Variants in SMAP2 observed in about 807,000 individuals in gnomAD.
SMAP2 encodes small ArfGAP2.
A neutral mutation model predicts 56.4 loss-of-function variants in SMAP2; 25 were observed. The observed-to-expected ratio is 0.44, with a 90% CI of 0.32 to 0.62. The LOEUF (loss-of-function observed/expected upper bound fraction) is 0.62, where lower values mean the gene tolerates loss of function less well. Among genes scored for constraint, SMAP2 ranks in the 20% least tolerant of loss-of-function variants. The pLI, the probability that SMAP2 is intolerant of heterozygous loss-of-function variation, is 0.04. For missense variants in SMAP2, 388 were observed against 545.6 expected (o/e 0.71, Z 2.88); for synonymous variants, 157 against 181.7 (o/e 0.86, Z 1.09).
chr1:40,355,720 T>G (rs1386498723), intron 1 of SMAP2, among the ~76,000 whole-genome samples: 4 of 152,070 alleles, frequency 2.6e-5, no homozygotes, highest in Non-Finnish European at 5.9e-5. Flanking sequence ...CCTCCCAGGC[T>G]CAAGCAATCC....
intron 1 of SMAP2, among the ~76,000 whole-genome samples, chr1:40,395,044 G>T (rs894683392): frequency 1.2e-4 from 18 of 152,264 alleles, no homozygotes; most frequent in Admixed American, 9.8e-4. Context: ...GTGAGAAGAG[G>T]AGTAATGAGA....
At position 40,414,231 on chromosome 1, in the gene SMAP2, T is replaced by C. The variant is rs1644965398; in HGVS notation, c.562T>C (p.Leu188=). The change falls in exon 6 of 10, where the codon TTG becomes CTG. Residue 188 remains leucine (L), a synonymous_variant. Coordinates refer to ENST00000372718, the MANE Select transcript of SMAP2 (RefSeq NM_022733.3). The stretch of plus-strand genomic sequence containing the variant: ...ATCCACAGCGCCTGTCATGGATTTG[T>C]TGGGCCTTGGTAAGAGTTGGACTTT... ...PKSTAPVMDL[L]GLDAPVACSI... is the part of the protein sequence containing the mutation. The C allele has an allele frequency of 2.5e-6, 4 of 1,614,162 alleles. No homozygotes were observed. Among genetic ancestry groups the C allele is most frequent in the Non-Finnish European group, 2.5e-6 (3 of 1,179,982 alleles).
chr1:40,400,808 A>G (rs1465891949), intron 1 of SMAP2, among the ~76,000 whole-genome samples: 1 of 34,894 alleles, frequency 2.9e-5, no homozygotes, highest in Non-Finnish European at 4.9e-5. Flanking sequence ...TGTGTTTTAG[A>G]AAGATTATTC....
At chr1:40,353,188 G>A (rs561865896) in intron 1 of SMAP2, among the ~76,000 whole-genome samples, 29 of 152,220 alleles carry the variant, frequency 1.9e-4, no homozygotes, top group African/African-American at 5.1e-4. Context: ...TGAGCTTCTC[G>A]GAAAACTTTT....
intron 1 of SMAP2, among the ~76,000 whole-genome samples, chr1:40,405,443 C>T (rs185220033): frequency 6.6e-6 from 1 of 152,140 alleles, no homozygotes; most frequent in Admixed American, 6.5e-5. Flanking sequence ...GAGCTATGAT[C>T]GTGCCACAGC....
Position 40,422,916 on chromosome 1 carries a change from G to C in SMAP2, c.*815G>C, listed in dbSNP as rs1477248635. The C allele has an allele frequency of 6.5e-6, 1 of 152,808 alleles. No individual in the cohort carries two copies. Among genetic ancestry groups the C allele is most frequent in the East Asian group, 1.9e-4 (1 of 5,200 alleles). 9.5% of individuals were successfully genotyped at this position (152,808 alleles called of 1,614,324 possible). ...TGCGTGAGTGTGTGTGTGTGTATGA[G>C]TGTGTGTTCCGCCTCCCACCCTCTC... On this transcript the variant is annotated 3_prime_UTR_variant, in exon 10 of 10. Coordinates refer to ENST00000372718, the MANE Select transcript of SMAP2 (RefSeq NM_022733.3).
intron 7 of SMAP2, among the ~76,000 whole-genome samples, chr1:40,415,869 G>A (rs1019517649): frequency 3.3e-5 from 5 of 152,166 alleles, no homozygotes; most frequent in African/African-American, 9.7e-5. Context: ...TATGTGACTA[G>A]CCTGTGGTTA....
intron 1 of SMAP2, among the ~76,000 whole-genome samples, chr1:40,404,408 A>T (rs1644865755): frequency 6.6e-6 from 1 of 152,342 alleles, no homozygotes; most frequent in South Asian, 2.1e-4. Flanking sequence ...AGGCCTTGTC[A>T]GTGGCTTCAG....
chr1:40,420,607 A>T (rs756499455), intron 9 of SMAP2, among the ~76,000 whole-genome samples: 3 of 152,250 alleles, frequency 2.0e-5, no homozygotes, highest in Non-Finnish European at 2.9e-5. Context: ...AATGAAAGAA[A>T]TATAGTCACT....
At chr1:40,389,227 C>T (rs2124266842) in intron 1 of SMAP2, among the ~76,000 whole-genome samples, 1 of 152,328 alleles carries the variant, frequency 6.6e-6, no homozygotes, top group East Asian at 1.9e-4. Context: ...ATACAGTCCT[C>T]ATTCACTTAA....
chr1:40,387,092 A>G (rs2124255547), intron 1 of SMAP2, among the ~76,000 whole-genome samples: 1 of 152,276 alleles, frequency 6.6e-6, no homozygotes, highest in Admixed American at 6.5e-5. Flanking sequence ...AGCTCACATC[A>G]TCTGCCTGCC....
In SMAP2 at chr1:40,417,005, A is replaced by G. The variant is rs766188335; in HGVS notation, c.1073A>G (p.Gln358Arg). 5 of 1,614,094 alleles carry G rather than the reference A, an allele frequency of 3.1e-6. No homozygotes were observed. The African/African-American group carries it at 5.3e-5, about 17-fold the overall frequency. ...GTGCCGAATGGAATGATGACCACCC[A>G]GCAGGCTGGCTACATGGCAGGCATG... ...MGVPNGMMTT[Q>R]QAGYMAGMAA... Residue 358 changes from glutamine (Q) to arginine (R), a missense_variant, in exon 9 of 10, where the codon CAG becomes CGG. Physicochemically the swap from Gln to Arg is conservative, Grantham distance 43. Coordinates refer to ENST00000372718, the MANE Select transcript of SMAP2 (RefSeq NM_022733.3).
At chr1:40,354,402 G>A (rs1159903166) in intron 1 of SMAP2, among the ~76,000 whole-genome samples, 1 of 152,050 alleles carries the variant, frequency 6.6e-6, no homozygotes, top group Non-Finnish European at 1.5e-5. Flanking sequence ...GTGCAGTGGC[G>A]TGATCCCGGC....
Position 40,374,610 on chromosome 1 carries a change from T to A in SMAP2, c.103+387T>A. ...GTGCGTGCGTGCGTGTGTGTGTGTG[T>A]GTGTGTGTGTGTGTGAGAGAGAGAG... On this transcript the variant is annotated intron_variant, in intron 1 of 9. Coordinates refer to ENST00000372718, the MANE Select transcript of SMAP2 (RefSeq NM_022733.3). This position sits in a 1 kb window ranked among gnomAD's most constrained non-coding sequence, Gnocchi z 5.9. 7.2e-7 allele frequency: 1 copy of A among 1,395,072 alleles called. No homozygotes were observed. Among genetic ancestry groups the A allele is most frequent in the South Asian group, 1.2e-5 (1 of 80,708 alleles). The allele number at this position is 1,395,072 out of a possible 1,614,324, so 86.4% of individuals were successfully genotyped here.
chr1:40,354,431 CG>C (rs1343113191), intron 1 of SMAP2, among the ~76,000 whole-genome samples: 1 of 151,742 alleles, frequency 6.6e-6, no homozygotes, highest in Non-Finnish European at 1.5e-5. Context: ...CTCCGCCTCC[CG>C]GGTTCAAGTG....
At chr1:40,414,510 ATGGG>A (rs2124365844) in intron 6 of SMAP2, among the ~76,000 whole-genome samples, 1 of 152,360 alleles carries the variant, frequency 6.6e-6, no homozygotes, top group South Asian at 2.1e-4. Flanking sequence ...CTGTGTGACC[ATGGG>A]TAGTTTACTT....
At chr1:40,353,629 C>T (rs1247540595) in intron 1 of SMAP2, among the ~76,000 whole-genome samples, 2 of 152,188 alleles carry the variant, frequency 1.3e-5, no homozygotes, top group African/African-American at 4.8e-5. Context: ...CTTGGCCTCC[C>T]AAAGTGCTGG....
intron 1 of SMAP2, among the ~76,000 whole-genome samples, chr1:40,361,205 C>T (rs1470855445): frequency 6.6e-6 from 1 of 152,164 alleles, no homozygotes; most frequent in Non-Finnish European, 1.5e-5. Flanking sequence ...ATTCCAGGTC[C>T]TAGGTTTTGG....
rs1405983737 is a variant in SMAP2 at position 40,386,456 on chromosome 1, G to A, written c.103+12233G>A. On this transcript the variant is annotated intron_variant, in intron 1 of 9. Coordinates refer to ENST00000372718, the MANE Select transcript of SMAP2 (RefSeq NM_022733.3). The surrounding 1 kb of genome is among the most constrained non-coding windows in gnomAD (Gnocchi z 4.1). ...AAAGAGAAAGGAAGCTTCATTAAAT[G>A]AAACATTGGAATCAGGAAGACTCCG... 6.6e-6 allele frequency among the ~76,000 whole-genome samples: 1 copy of A among 152,164 alleles called. No homozygotes were observed. Among genetic ancestry groups the A allele is most frequent in the Non-Finnish European group, 1.5e-5 (1 of 68,032 alleles).
Sources: allele counts gnomAD v4.1 joint callset (sites outside exome capture counted in the v4.1 genomes callset), GRCh38; gene constraint gnomAD v4.1.1; non-coding constraint Gnocchi (gnomAD v3.1); transcripts MANE v1.5; gene names NCBI Gene and HGNC (gene_info 2026-07-23, HGNC 2026-07-21).